C6orf132: variants seen among roughly 807,000 people sequenced by gnomAD.
The protein encoded by C6orf132 is chromosome 6 open reading frame 132.
Under a neutral mutation model 65.3 loss-of-function variants are expected in C6orf132, and 43 were observed. The observed-to-expected ratio is 0.66, with a 90% confidence interval of 0.52 to 0.85. The LOEUF (loss-of-function observed/expected upper bound fraction) is 0.85, where lower values mean the gene tolerates loss of function less well. C6orf132 is among the 40% of genes least tolerant of loss of function. The pLI is 0.00. For synonymous variants in C6orf132, 631 were observed against 654.1 expected (o/e 0.96, Z 0.54); for missense variants, 1,488 against 1,548.8 (o/e 0.96, Z 0.66).
rs1334825595 is a variant in C6orf132 at position 42,106,554 on chromosome 6, G to C, written c.1358C>G (p.Thr453Arg). 1 of 1,536,112 alleles carries C rather than the reference G, an allele frequency of 6.5e-7. No homozygotes were observed. Among genetic ancestry groups the C allele is most frequent in the South Asian group, 1.2e-5 (1 of 84,044 alleles). The change falls in exon 4 of 5, where the codon ACA becomes AGA. Residue 453 changes from threonine to arginine, a missense_variant. Transcript: ENST00000341865. ...CCAGTCCACAGGTGCTGAAGACGCT[G>C]TGTTCTCTGGGCTGGGGGGGTTGGG... ...PKPNPPSPEN[T>R]ASSAPVDWRD... is the part of the protein sequence containing the mutation.
intron 2 of C6orf132, among the ~76,000 whole-genome samples, chr6:42,125,497 T>C (rs948140819): frequency 6.6e-6 from 1 of 152,128 alleles, no homozygotes; most frequent in Non-Finnish European, 1.5e-5. Flanking sequence ...TCCATCTGCC[T>C]TTCCCCGGTT....
At chr6:42,126,569 C>T (rs570412736) in intron 2 of C6orf132, 13 of 191,430 alleles carry the variant, frequency 6.8e-5, no homozygotes, top group East Asian at 2.3e-4. Flanking sequence ...AGGCTGGGCG[C>T]GGTAGCTCAC....
At position 42,104,424 on chromosome 6, in the gene C6orf132, C is replaced by T. The variant is rs1439389541; in HGVS notation, c.3449+39G>A. Reference sequence around the variant, plus strand: ...CCTTGGCCCTCGCCTGGCTTTCCACCCCTCCTGGCTTCCCGCACCAGCCGG... The same window carrying T: ...CCTTGGCCCTCGCCTGGCTTTCCACTCCTCCTGGCTTCCCGCACCAGCCGG... On this transcript the variant is annotated intron_variant, in intron 4 of 4. Transcript: ENST00000341865. This position sits in a 1 kb window ranked among gnomAD's most constrained non-coding sequence, Gnocchi z 4.1. 8.1e-7 allele frequency: 1 copy of T among 1,229,270 alleles called. No homozygotes were observed. Among genetic ancestry groups the T allele is most frequent in the Non-Finnish European group, 1.0e-6 (1 of 986,590 alleles). The allele number at this position is 1,229,270 out of a possible 1,614,324, so 76.1% of individuals were successfully genotyped here. A position where few individuals can be genotyped will look rare whatever the true frequency, so the allele number is the denominator to read the frequency against.
At position 42,105,208 on chromosome 6, in the gene C6orf132, C is replaced by T. The variant is rs372744791; in HGVS notation, c.2704G>A (p.Ala902Thr). 6.5e-7 allele frequency: 1 copy of T among 1,537,094 alleles called. No homozygotes were observed. The highest frequency in any genetic ancestry group is 8.7e-7 in the Non-Finnish European group (1 of 1,146,908). Residue 902 changes from alanine (A) to threonine (T), a missense_variant, in exon 4 of 5, where the codon GCT becomes ACT. Physicochemically the swap from Ala to Thr is moderately conservative, Grantham distance 58 (BLOSUM62 0). Coordinates refer to ENST00000341865, the MANE Select transcript of C6orf132 (RefSeq NM_001164446.3). The part of the protein sequence containing the change: ...FTVVPKLPKE[A>T]EKDSPLTTEI... ...GTCGTCAGCGGGGAGTCCTTCTCAG[C>T]CTCCTTGGGTAACTTGGGCACCACA...
chr6:42,128,204 C>T (rs193257506), intron 2 of C6orf132, among the ~76,000 whole-genome samples: 21 of 152,020 alleles, frequency 1.4e-4, no homozygotes, highest in Admixed American at 1.0e-3. Context: ...GGATTACAGG[C>T]GTGAGCCACC....
At chr6:42,134,866 C>T (rs1246706153) in intron 1 of C6orf132, among the ~76,000 whole-genome samples, 1 of 150,194 alleles carries the variant, frequency 6.7e-6, no homozygotes, top group Non-Finnish European at 1.5e-5. Flanking sequence ...GTGGTGGGCG[C>T]CTGTAATCCC....
chr6:42,103,261 G>T lies in C6orf132; in HGVS notation c.*500C>A, dbSNP rs566935413. 7.5e-6 allele frequency: 3 copies of T among 397,706 alleles called. No homozygotes were observed. The highest frequency in any genetic ancestry group is 1.3e-5 in the Non-Finnish European group (3 of 225,990). The allele number at this position is 397,706 out of a possible 1,614,324, so 24.6% of individuals were successfully genotyped here. A position where few individuals can be genotyped will look rare whatever the true frequency, so the allele number is the denominator to read the frequency against. ...CTCTTGCTTGGGATGGCAGGTGATG[G>T]AGGCTAAAGATCTCCCTTCGGTGCC... On this transcript the variant is annotated 3_prime_UTR_variant, in exon 5 of 5. Coordinates refer to ENST00000341865, the MANE Select transcript of C6orf132 (RefSeq NM_001164446.3).
chr6:42,109,066 A>C (rs929278800), intron 3 of C6orf132, among the ~76,000 whole-genome samples: 1 of 152,194 alleles, frequency 6.6e-6, no homozygotes, highest in African/African-American at 2.4e-5. Context: ...GTGTGAGTAC[A>C]TTATTATCAC....
Position 42,114,897 on chromosome 6 carries a change from C to T in C6orf132, c.253-4606G>A, listed in dbSNP as rs549061803. Among the ~76,000 whole-genome samples the T allele has an allele frequency of 4.0e-5, 6 of 151,878 alleles. No homozygotes were observed. In the East Asian group the frequency reaches 1.2e-3, roughly 30 times the overall value. On this transcript the variant is annotated intron_variant, in intron 2 of 4. Transcript: ENST00000341865. ...GCAAGCGACTGTAATCCCAGCTACT[C>T]GGGAGGCTAAGACAGGGAGAATTGC...
chr6:42,103,560 C>T lies in C6orf132; in HGVS notation c.*201G>A, dbSNP rs925747303. 1 of 398,724 alleles carries T rather than the reference C, an allele frequency of 2.5e-6. No individual in the cohort carries two copies. The highest frequency in any genetic ancestry group is 4.4e-6 in the Non-Finnish European group (1 of 226,510). The allele number at this position is 398,724 out of a possible 1,614,324, so 24.7% of individuals were successfully genotyped here. ...ACGTGTAAACAGTCCACAGTCACAC[C>T]AGCGCTTTGGGAAACAGAAGCCCAC... is the stretch of plus-strand genomic sequence containing the variant. On this transcript the variant is annotated 3_prime_UTR_variant, in exon 5 of 5. Coordinates refer to ENST00000341865, the MANE Select transcript of C6orf132 (RefSeq NM_001164446.3).
At chr6:42,116,798 C>T (rs1766586465) in intron 2 of C6orf132, among the ~76,000 whole-genome samples, 1 of 152,176 alleles carries the variant, frequency 6.6e-6, no homozygotes, top group Admixed American at 6.6e-5. Context: ...GCTGGGGGAA[C>T]CTGACCGACT....
At position 42,102,448 on chromosome 6, in the gene C6orf132, ATCTCTTGACCTCATGATCCACCCG is replaced by A. The variant is rs2127472183; in HGVS notation, c.*1289_*1312del. The stretch of plus-strand genomic sequence containing the variant: ...CGCCATGTAGGCCAGGATGGTCTTA[ATCTCTTGACCTCATGATCCACCCG>A]CCTCAGCCTCCCAAAGTGCTAGAAT... On this transcript the variant is annotated 3_prime_UTR_variant, in exon 5 of 5. Transcript: ENST00000341865. 6.6e-6 allele frequency: 1 copy of A among 150,734 alleles called. No individual in the cohort carries two copies. The highest frequency in any genetic ancestry group is 2.0e-4 in the East Asian group (1 of 5,080). The allele number at this position is 150,734 out of a possible 1,614,324, so 9.3% of individuals were successfully genotyped here.
chr6:42,106,174 T>C lies in C6orf132; in HGVS notation c.1738A>G (p.Lys580Glu), dbSNP rs1193671936. Residue 580 changes from lysine to glutamate, a missense_variant, in exon 4 of 5, where the codon AAG (lysine) becomes GAG (glutamate). By Grantham distance (56) the Lys-to-Glu change is moderately conservative. Coordinates refer to ENST00000341865, the MANE Select transcript of C6orf132 (RefSeq NM_001164446.3). Reference protein sequence around the residue: ...LEARLSSAAEKEAKPSIGSLP... With the variant: ...LEARLSSAAEEEAKPSIGSLP... ...GATCCTATGCTGGGCTTAGCCTCCT[T>C]CTCTGCTGCTGAGGAGAGCCGGGCC... The C allele has an allele frequency of 1.3e-6, 2 of 1,537,230 alleles. No homozygotes were observed. Among genetic ancestry groups the C allele is most frequent in the East Asian group, 4.9e-5 (2 of 40,920 alleles).
intron 2 of C6orf132, among the ~76,000 whole-genome samples, chr6:42,115,466 G>A (rs972766709): frequency 5.3e-5 from 8 of 150,642 alleles, no homozygotes; most frequent in Non-Finnish European, 7.4e-5. Flanking sequence ...CTAACACGGC[G>A]AAACCCCGCC....
In C6orf132 at chr6:42,124,377, C is replaced by T. The variant is rs1169434137; in HGVS notation, c.252+4295G>A. Reference sequence around the variant, plus strand: ...GCCTGTTGCTGCCTTGTCTCCTTCTCTCTAGCTCTGTCCCCTGGCAGGCTC... The same window carrying T: ...GCCTGTTGCTGCCTTGTCTCCTTCTTTCTAGCTCTGTCCCCTGGCAGGCTC... On this transcript the variant is annotated intron_variant, in intron 2 of 4. Coordinates refer to ENST00000341865, the MANE Select transcript of C6orf132 (RefSeq NM_001164446.3). This position sits in a 1 kb window ranked among gnomAD's most constrained non-coding sequence, Gnocchi z 4.0. 6.6e-6 allele frequency among the ~76,000 whole-genome samples: 1 copy of T among 152,244 alleles called. No homozygotes were observed. Among genetic ancestry groups the T allele is most frequent in the Non-Finnish European group, 1.5e-5 (1 of 68,036 alleles).
chr6:42,131,708 A>G (rs368270153), intron 1 of C6orf132, among the ~76,000 whole-genome samples: 19 of 152,214 alleles, frequency 1.2e-4, no homozygotes, highest in East Asian at 1.2e-3. Context: ...TCTGACCCCC[A>G]AGCAGGCGCT....
Position 42,134,454 on chromosome 6 carries a change from A to G in C6orf132, c.146-5676T>C, listed in dbSNP as rs564730062. On this transcript the variant is annotated intron_variant, in intron 1 of 4. Transcript: ENST00000341865. ...CTGCATTTTGGGAGGCTGAGGCAGG[A>G]GGATTACTTGAGGTCAGGAGCTCAA... is the stretch of plus-strand genomic sequence containing the variant. Among the ~76,000 whole-genome samples, 32 of 152,258 alleles carry G rather than the reference A, an allele frequency of 2.1e-4. No homozygotes were observed. The South Asian group carries it at 3.3e-3, about 16-fold the overall frequency.
At chr6:42,137,001 T>C (rs924116183) in intron 1 of C6orf132, among the ~76,000 whole-genome samples, 2 of 152,196 alleles carry the variant, frequency 1.3e-5, no homozygotes, top group African/African-American at 4.8e-5. Flanking sequence ...TGAGAAATGC[T>C]GACTCTCCCT....
At chr6:42,128,537 C>A (rs1262424886) in intron 2 of C6orf132, 135 bp downstream of exon 2, 3 of 652,414 alleles carry the variant, frequency 4.6e-6, no homozygotes, top group South Asian at 1.8e-5. Flanking sequence ...CTTCCAGTAG[C>A]CCCCCTTCCC....
Sources: gnomAD v4.1 joint callset for allele counts (sites outside exome capture counted in the v4.1 genomes callset) on GRCh38, gnomAD v4.1.1 for gene constraint, Gnocchi (gnomAD v3.1) non-coding constraint, MANE v1.5 for transcripts, NCBI Gene and HGNC (gene_info 2026-07-23, HGNC 2026-07-21) for gene names.